SYT6: variants seen among roughly 807,000 people sequenced by gnomAD.
The protein encoded by SYT6 is synaptotagmin 6.
A neutral mutation model predicts 38.4 loss-of-function variants in SYT6; 24 were observed. The ratio of observed to expected loss-of-function variants is 0.62; its 90% CI spans 0.45 to 0.88. SYT6 has a LOEUF of 0.88. Ranked by LOEUF, SYT6 falls within the 40% of genes least tolerant of loss-of-function variation. The probability of loss-of-function intolerance (pLI) is 0.00; values close to 1 mark genes in which losing one functional copy is unlikely to be tolerated. For missense variants in SYT6, 611 were observed against 621.0 expected (o/e 0.98, Z 0.17); for synonymous variants, 265 against 241.9 (o/e 1.10, Z -0.89).
intron 3 of SYT6, among the ~76,000 whole-genome samples, chr1:114,110,519 G>A (rs1676613899): frequency 6.6e-6 from 1 of 152,170 alleles, no homozygotes; most frequent in Non-Finnish European, 1.5e-5. Flanking sequence ...GAAGCGGATG[G>A]TGGCTATGAT....
intron 3 of SYT6, among the ~76,000 whole-genome samples, chr1:114,110,989 A>G (rs896119427): frequency 3.3e-5 from 5 of 152,168 alleles, no homozygotes; most frequent in African/African-American, 1.2e-4. Flanking sequence ...TATCATCCAA[A>G]AGCCCAATCA....
In SYT6 at chr1:114,138,382, T is replaced by C. The variant is rs553453181; in HGVS notation, c.513-329A>G. ...TACTTCCTAGTAGACATGACTCTGG[T>C]TTCCTTATTAAATCATGAGATTCCT... On this transcript the variant is annotated intron_variant, in intron 2 of 7. Transcript: ENST00000610222. Among the ~76,000 whole-genome samples the C allele has an allele frequency of 1.1e-3, 161 of 152,342 alleles. 1 individual carries two copies. The highest frequency in any genetic ancestry group is 2.3e-3 in the Admixed American group (35 of 15,308).
chr1:114,101,417 T>C (rs369154048), intron 4 of SYT6, among the ~76,000 whole-genome samples: 16 of 152,190 alleles, frequency 1.1e-4, no homozygotes, highest in East Asian at 7.7e-4. Context: ...ACCAGCAGTG[T>C]ATTTCAGCCT....
At chr1:114,134,539 A>G (rs141757924) in intron 3 of SYT6, among the ~76,000 whole-genome samples, 19 of 152,354 alleles carry the variant, frequency 1.2e-4, no homozygotes, top group Admixed American at 8.5e-4. Flanking sequence ...GACTCAGGAT[A>G]TAACTCGGGG....
intron 3 of SYT6, among the ~76,000 whole-genome samples, chr1:114,104,372 G>GTGCT (rs1360137981): frequency 6.6e-6 from 1 of 152,236 alleles, no homozygotes; most frequent in East Asian, 1.9e-4. Flanking sequence ...CCAGCACAGA[G>GTGCT]CACACGCTCT....
In SYT6 at chr1:114,146,747, C is replaced by T. The variant is rs141197077; in HGVS notation, c.164-6784G>A. On this transcript the variant is annotated intron_variant, in intron 1 of 7. Coordinates refer to ENST00000610222, the MANE Select transcript of SYT6 (RefSeq NM_001253772.2). ...CTTCTTCAGCTTAGAGAGAAGGAAG[C>T]ATTGCCCTGAAGTCAGACTGGCCTC... Among the ~76,000 whole-genome samples, 497 of 152,328 alleles carry T rather than the reference C, an allele frequency of 3.3e-3. 2 individuals are homozygous for T. The highest frequency in any genetic ancestry group is 0.011 in the African/African-American group (476 of 41,576).
At position 114,091,039 on chromosome 1, in the gene SYT6, G is replaced by A. The variant is rs1675275110; in HGVS notation, c.*1095C>T. 1 of 152,908 alleles carries A rather than the reference G, an allele frequency of 6.5e-6. No homozygotes were observed. The highest frequency in any genetic ancestry group is 2.4e-5 in the African/African-American group (1 of 41,438). 9.5% of individuals were successfully genotyped at this position (152,908 alleles called of 1,614,324 possible). A position where few individuals can be genotyped will look rare whatever the true frequency, so the allele number is the denominator to read the frequency against. On this transcript the variant is annotated 3_prime_UTR_variant, in exon 8 of 8. Transcript: ENST00000610222. ...TTCAATCAAAAACATACTCTTCATA[G>A]AAAGATGGACTCAAACTGCTATTTG...
At chr1:114,127,419 C>G (rs74112944) in intron 3 of SYT6, among the ~76,000 whole-genome samples, 7 of 152,174 alleles carry the variant, frequency 4.6e-5, no homozygotes, top group African/African-American at 1.4e-4. Flanking sequence ...CAATCCTTCT[C>G]TAGAGGAGCC....
chr1:114,100,604 G>T (rs1039801272), intron 4 of SYT6, among the ~76,000 whole-genome samples: 1 of 152,242 alleles, frequency 6.6e-6, no homozygotes, highest in Non-Finnish European at 1.5e-5. Context: ...TTGGGTTTAT[G>T]GAGAGACCAT....
chr1:114,095,491 G>T (rs1047695392), intron 6 of SYT6, among the ~76,000 whole-genome samples: 1 of 152,186 alleles, frequency 6.6e-6, no homozygotes. Context: ...CTGGTAACAG[G>T]GATGGGTTAT....
intron 3 of SYT6, among the ~76,000 whole-genome samples, chr1:114,107,385 T>G (rs1676390766): frequency 6.6e-6 from 1 of 152,200 alleles, no homozygotes; most frequent in Non-Finnish European, 1.5e-5. Context: ...TGCAGTGTGG[T>G]GTGGCCCGTG....
intron 3 of SYT6, among the ~76,000 whole-genome samples, chr1:114,109,190 C>T (rs915363895): frequency 5.3e-5 from 8 of 152,322 alleles, no homozygotes; most frequent in Middle Eastern, 3.4e-3. Context: ...CAGGCCTCCT[C>T]TTCATAGCAC....
Position 114,137,716 on chromosome 1 carries a change from G to T in SYT6, c.850C>A (p.Arg284=). ...LPDRKCKLQT[R]VHRKTLNPTF... ...GGGTTCAGGGTCTTGCGGTGCACCC[G>T]GGTCTGCAGCTTGCATTTGCGGTCA... Residue 284 remains arginine (R), a synonymous_variant, in exon 3 of 8, where the codon CGG becomes AGG. Transcript: ENST00000610222. 1.2e-6 allele frequency: 2 copies of T among 1,613,850 alleles called. No homozygotes were observed. The highest frequency in any genetic ancestry group is 1.1e-5 in the South Asian group (1 of 91,064).
rs760652485 is a variant in SYT6 at position 114,097,856 on chromosome 1, T to C, written c.1386A>G (p.Ile462Met). Residue 462 changes from isoleucine (I) to methionine (M), a missense_variant, in exon 6 of 8, where the codon ATA (isoleucine) becomes ATG (methionine). Transcript: ENST00000610222. ...CAGTGATCCCCACACGACAGACTCCTATGATCTCATTGTGGCCCACTCTGA... is the reference window on the plus strand; with the variant it reads ...CAGTGATCCCCACACGACAGACTCCCATGATCTCATTGTGGCCCACTCTGA... ...DYDRVGHNEIIGVCRVGITAE... is the reference protein window; with the variant it reads ...DYDRVGHNEIMGVCRVGITAE... 3.7e-6 allele frequency: 6 copies of C among 1,614,178 alleles called. No homozygotes were observed. In the South Asian group the frequency reaches 6.6e-5, roughly 18 times the overall value.
intron 3 of SYT6, among the ~76,000 whole-genome samples, chr1:114,104,695 G>T (rs906317995): frequency 6.6e-6 from 1 of 151,964 alleles, no homozygotes; most frequent in African/African-American, 2.4e-5. Context: ...CAGTAATTCA[G>T]TCAGTTAACA....
rs61810284 is a variant in SYT6, at chr1:114,140,832, T to C, written c.164-869A>G. The stretch of plus-strand genomic sequence containing the variant: ...TGTGCACATTTTGTGTCTGTCACGT[T>C]TTGTTAATTCTCACATTATTTCAAA... On this transcript the variant is annotated intron_variant, in intron 1 of 7. Coordinates refer to ENST00000610222, the MANE Select transcript of SYT6 (RefSeq NM_001253772.2). Among the ~76,000 whole-genome samples the C allele has an allele frequency of 9.8e-3, 1,494 of 152,354 alleles. 8 individuals are homozygous for C. Among genetic ancestry groups the C allele is most frequent in the Non-Finnish European group, 0.015 (1,010 of 68,034 alleles).
In SYT6 at chr1:114,103,531, T is replaced by C; in HGVS notation, c.1192+70A>G. ...TAAGAATGCTGACAATTCTTTCTCC[T>C]TCTCCCCGAACACCCTTCCAAATCC... On this transcript the variant is annotated intron_variant, in intron 4 of 7. Transcript: ENST00000610222. The C allele has an allele frequency of 1.9e-6, 3 of 1,586,792 alleles. No homozygotes were observed. The South Asian group carries it at 3.4e-5, about 18-fold the overall frequency.
chr1:114,145,008 T>A (rs898616185), intron 1 of SYT6, among the ~76,000 whole-genome samples: 1 of 152,138 alleles, frequency 6.6e-6, no homozygotes, highest in Non-Finnish European at 1.5e-5. Flanking sequence ...CCAAAGGAGC[T>A]GGAGGTAGTC....
chr1:114,134,805 G>C (rs1382970037), intron 3 of SYT6, among the ~76,000 whole-genome samples: 3 of 152,210 alleles, frequency 2.0e-5, no homozygotes, highest in Admixed American at 2.0e-4. Flanking sequence ...AGAGATGGGA[G>C]CTGGCTGTTG....
Sources: gnomAD v4.1 joint callset for allele counts (sites outside exome capture counted in the v4.1 genomes callset) on GRCh38, gnomAD v4.1.1 for gene constraint, MANE v1.5 for transcripts, NCBI Gene and HGNC (gene_info 2026-07-23, HGNC 2026-07-21) for gene names.